Variants in TBC1D14 observed in about 807,000 individuals in gnomAD.
TBC1D14 encodes the protein TBC1 domain family member 14, also known as TBC1 domain family, member 14.
Under a neutral mutation model 79.0 loss-of-function variants are expected in TBC1D14, and 26 were observed. The observed-to-expected ratio is 0.33, with a 90% CI of 0.24 to 0.46. The LOEUF is 0.46. Among genes scored for constraint, TBC1D14 ranks in the 20% least tolerant of loss-of-function variants. The pLI is 1.00. For synonymous variants in TBC1D14, 394 were observed against 349.9 expected, an observed-to-expected ratio of 1.13 and a Z score of -1.40; for missense variants, 769 against 887.6, an observed-to-expected ratio of 0.87 and a Z score of 1.70.
chr4:6,944,212 A>G (rs983615114), intron 2 of TBC1D14, among the ~76,000 whole-genome samples: 1 of 152,166 alleles, frequency 6.6e-6, no homozygotes, highest in Non-Finnish European at 1.5e-5. Flanking sequence ...TTTTAAACAG[A>G]TAAAAATGGA....
chr4:6,998,468 C>T (rs769926066), intron 5 of TBC1D14, among the ~76,000 whole-genome samples: 1 of 151,614 alleles, frequency 6.6e-6, no homozygotes, highest in Non-Finnish European at 1.5e-5. Flanking sequence ...GTTCCAGTAA[C>T]GTTCGGTTGT....
intron 3 of TBC1D14, among the ~76,000 whole-genome samples, chr4:6,988,949 T>C (rs1718193613): frequency 6.9e-6 from 1 of 144,136 alleles, no homozygotes; most frequent in African/African-American, 2.6e-5. Flanking sequence ...CGGTTATGGC[T>C]TACTGCAACC....
intron 12 of TBC1D14, among the ~76,000 whole-genome samples, chr4:7,018,719 C>T (rs574384095): frequency 3.7e-4 from 57 of 152,362 alleles, no homozygotes; most frequent in African/African-American, 1.1e-3. Flanking sequence ...CCACTCCTCC[C>T]GATGAGGCAT....
At chr4:6,978,678 A>G (rs1360774037) in intron 3 of TBC1D14, among the ~76,000 whole-genome samples, 1 of 145,980 alleles carries the variant, frequency 6.9e-6, no homozygotes, top group African/African-American at 2.6e-5. Context: ...CCTTCCCTCC[A>G]CTATTGTCCC....
At chr4:6,993,720 C>A (rs1049537460) in intron 3 of TBC1D14, among the ~76,000 whole-genome samples, 3 of 152,210 alleles carry the variant, frequency 2.0e-5, no homozygotes, top group Admixed American at 6.5e-5. Flanking sequence ...AACTCTAAGA[C>A]CCCTTTAGGC....
chr4:6,976,843 A>G (rs1032369156), intron 3 of TBC1D14, among the ~76,000 whole-genome samples: 3 of 152,172 alleles, frequency 2.0e-5, no homozygotes, highest in African/African-American at 7.2e-5. Context: ...TAGAGTAGAA[A>G]GAGCAATAAA....
At chr4:6,972,913 G>A (rs1038641140) in intron 3 of TBC1D14, among the ~76,000 whole-genome samples, 1 of 152,180 alleles carries the variant, frequency 6.6e-6, no homozygotes, top group Non-Finnish European at 1.5e-5. Flanking sequence ...CTGAAAATAC[G>A]TGGGGATGCT....
intron 3 of TBC1D14, among the ~76,000 whole-genome samples, chr4:6,973,129 G>A (rs1046874746): frequency 7.2e-5 from 11 of 152,194 alleles, no homozygotes; most frequent in Non-Finnish European, 1.6e-4. Context: ...TGTGAGCACC[G>A]ATGAGTACAT....
chr4:6,941,180 C>CTTTTTTTTTTT (rs35201238), intron 2 of TBC1D14, among the ~76,000 whole-genome samples: 1 of 87,758 alleles, frequency 1.1e-5, no homozygotes. Context: ...AGGAAAGCAG[C>CTTTTTTTTTTT]TTTTTTTTTT....
chr4:6,962,515 T>C (rs915055343), intron 2 of TBC1D14, among the ~76,000 whole-genome samples: 1 of 152,150 alleles, frequency 6.6e-6, no homozygotes, highest in African/African-American at 2.4e-5. Flanking sequence ...ATGCTGCTAG[T>C]AGAGTGAGTG....
chr4:6,978,147 C>T (rs1379336029), intron 3 of TBC1D14, among the ~76,000 whole-genome samples: 2 of 149,714 alleles, frequency 1.3e-5, no homozygotes, highest in Non-Finnish European at 3.0e-5. Context: ...CGGCTAGCCG[C>T]CCCGTCCGGG....
intron 2 of TBC1D14, among the ~76,000 whole-genome samples, chr4:6,948,864 T>C (rs975137694): frequency 2.0e-5 from 3 of 151,874 alleles, no homozygotes; most frequent in Admixed American, 1.3e-4. Context: ...CACGCCTGGC[T>C]AATTTTTGTA....
At chr4:6,998,335 G>A (rs1719281300) in intron 5 of TBC1D14, among the ~76,000 whole-genome samples, 1 of 151,174 alleles carries the variant, frequency 6.6e-6, no homozygotes, top group South Asian at 2.1e-4. Context: ...ACCCCACCCT[G>A]GGTGACAGAG....
At chr4:6,938,751 G>A (rs767835294) in intron 2 of TBC1D14, among the ~76,000 whole-genome samples, 8 of 152,202 alleles carry the variant, frequency 5.3e-5, no homozygotes, top group Non-Finnish European at 7.3e-5. Context: ...CGTGGATCCC[G>A]CATTCACCCA....
At chr4:6,934,598 C>T (rs569641802) in intron 2 of TBC1D14, among the ~76,000 whole-genome samples, 107 of 150,940 alleles carry the variant, frequency 7.1e-4, no homozygotes, top group Middle Eastern at 3.4e-3. Flanking sequence ...GCAGAGCTTG[C>T]AGTGGGCTGA....
intron 3 of TBC1D14, among the ~76,000 whole-genome samples, chr4:6,969,952 C>T (rs116307365): frequency 0.022 from 3,348 of 152,250 alleles, 79 homozygotes; most frequent in Admixed American, 0.055. Flanking sequence ...ACCCAAGGGA[C>T]TTGGTGAAGC....
At chr4:6,984,852 C>A (rs1320548205) in intron 3 of TBC1D14, among the ~76,000 whole-genome samples, 1 of 152,228 alleles carries the variant, frequency 6.6e-6, no homozygotes, top group Non-Finnish European at 1.5e-5. Context: ...TGTCTGTGTT[C>A]TAAGTCTGGT....
At chr4:7,020,632 C>T (rs928940037) in intron 12 of TBC1D14, among the ~76,000 whole-genome samples, 2 of 152,230 alleles carry the variant, frequency 1.3e-5, no homozygotes, top group Non-Finnish European at 2.9e-5. Context: ...TGCTGACTTT[C>T]CCTTTTACTT....
intron 1 of TBC1D14, among the ~76,000 whole-genome samples, chr4:6,913,077 C>G (rs150205589): frequency 1.1e-4 from 17 of 149,286 alleles, no homozygotes; most frequent in African/African-American, 3.9e-4. Flanking sequence ...CTCACTGCAA[C>G]CTTTGTCTCC....
Sources: allele counts gnomAD v4.1 joint callset (sites outside exome capture counted in the v4.1 genomes callset), GRCh38; gene constraint gnomAD v4.1.1; transcripts MANE v1.5; gene names NCBI Gene and HGNC (gene_info 2026-07-23, HGNC 2026-07-21).